The following FLNC variants were observed in gnomAD, a reference collection of about 807,000 sequenced individuals.
The protein encoded by FLNC is filamin C.
In FLNC, 91 loss-of-function variants were observed where a neutral mutation model predicts 254.3. The ratio of observed to expected loss-of-function variants is 0.36; its 90% CI spans 0.30 to 0.43. The LOEUF is 0.43. Ranked by LOEUF, FLNC falls within the 20% of genes least tolerant of loss-of-function variation. The pLI, the probability that FLNC is intolerant of heterozygous loss-of-function variation, is 1.00. For missense variants in FLNC, 2,853 were observed against 3,802.6 expected (o/e 0.75, Z 6.57); for synonymous variants, 1,430 against 1,577.2 (o/e 0.91, Z 2.21).
In FLNC at chr7:128,850,962, T is replaced by TG; in HGVS notation, c.5539+22dup. On this transcript the variant is annotated intron_variant, in intron 33 of 47. Coordinates refer to ENST00000325888, the MANE Select transcript of FLNC (RefSeq NM_001458.5). ...ATCCCTGGTGAGTTAGGGGCTGGGC[T>TG]GGGCTGGGGCTTGGGTGAGAGGAGC... 6.2e-7 allele frequency: 1 copy of TG among 1,603,676 alleles called. No individual in the cohort carries two copies. Among genetic ancestry groups the TG allele is most frequent in the South Asian group, 1.1e-5 (1 of 90,872 alleles).
rs1410019550 is a variant in FLNC, at chr7:128,849,166, C to G, written c.4928-15C>G. 2 of 1,613,096 alleles carry G rather than the reference C, an allele frequency of 1.2e-6. No homozygotes were observed. The highest frequency in any genetic ancestry group is 1.7e-6 in the Non-Finnish European group (2 of 1,179,884). On this transcript the variant is annotated splice_polypyrimidine_tract_variant and intron_variant, in intron 28 of 47. Coordinates refer to ENST00000325888, the MANE Select transcript of FLNC (RefSeq NM_001458.5). ...GTTGAGCACCGCCTGGCCTCACACT[C>G]TTCTCTCTTTCCAGTGTCCATTGGA...
In FLNC at chr7:128,844,128, C is replaced by A. The variant is rs769624093; in HGVS notation, c.3054C>A (p.Gly1018=). 1.9e-6 allele frequency: 3 copies of A among 1,613,928 alleles called. No homozygotes were observed. Among genetic ancestry groups the A allele is most frequent in the Admixed American group, 3.3e-5 (2 of 60,020 alleles). The change falls in exon 20 of 48, where the codon GGC becomes GGA. Residue 1018 remains glycine, a synonymous_variant. Coordinates refer to ENST00000325888, the MANE Select transcript of FLNC (RefSeq NM_001458.5). ...CCATCCCCTGCAAGCTGGAGCCAGG[C>A]GGTGGAGCGGAAGCCCAGGCTGTGC... ...RRPIPCKLEP[G]GGAEAQAVRY...
At chr7:128,850,099 GTCC>G (rs760737244) in intron 31 of FLNC, 25 bp downstream of exon 31, 121 of 1,475,722 alleles carry the variant, frequency 8.2e-5, no homozygotes, top group South Asian at 9.6e-5. Context: ...ACCAGGCGAT[GTCC>G]TCCTCCTCCT....
At chr7:128,847,628 C>T (rs1015751720) in intron 24 of FLNC, 69 bp from the exon 25 acceptor site, 38 of 1,591,924 alleles carry the variant, frequency 2.4e-5, no homozygotes, top group Middle Eastern at 2.0e-4. Flanking sequence ...CCTCCTCCTC[C>T]GAGGCTCCTC....
chr7:128,843,792 A>G lies in FLNC; in HGVS notation c.2812-4A>G. 1 of 1,613,420 alleles carries G rather than the reference A, an allele frequency of 6.2e-7. No homozygotes were observed. Among genetic ancestry groups the G allele is most frequent in the Non-Finnish European group, 8.5e-7 (1 of 1,179,408 alleles). On this transcript the variant is annotated splice_polypyrimidine_tract_variant and splice_region_variant and intron_variant, in intron 18 of 47. Coordinates refer to ENST00000325888, the MANE Select transcript of FLNC (RefSeq NM_001458.5). ...CAGTTCTGACCTACCATTGTACCCAACAGGGCAACATGGCAGTGACAGTGA... is the reference window on the plus strand; with the variant it reads ...CAGTTCTGACCTACCATTGTACCCAGCAGGGCAACATGGCAGTGACAGTGA...
At position 128,859,080 on chromosome 7, in the gene FLNC, C is replaced by T. The variant is rs1809193976; in HGVS notation, c.*557C>T. 6.3e-6 allele frequency: 1 copy of T among 157,520 alleles called. No individual in the cohort carries two copies. The highest frequency in any genetic ancestry group is 1.4e-5 in the Non-Finnish European group (1 of 70,896). The allele number at this position is 157,520 out of a possible 1,614,324, so 9.8% of individuals were successfully genotyped here. A position where few individuals can be genotyped will look rare whatever the true frequency, so the allele number is the denominator to read the frequency against. ...CGGCCTGAGCGATGTGCACTCCACCCAAGCCAGGCTCCCAGGGGGCCTGAT... is the reference window on the plus strand; with the variant it reads ...CGGCCTGAGCGATGTGCACTCCACCTAAGCCAGGCTCCCAGGGGGCCTGAT... On this transcript the variant is annotated 3_prime_UTR_variant, in exon 48 of 48. Coordinates refer to ENST00000325888, the MANE Select transcript of FLNC (RefSeq NM_001458.5).
At chr7:128,834,591 C>T (rs565439861) in intron 1 of FLNC, among the ~76,000 whole-genome samples, 90 of 150,634 alleles carry the variant, frequency 6.0e-4, no homozygotes, top group Non-Finnish European at 1.2e-3. Context: ...TTAAAATATT[C>T]ATTCAACCAA....
Position 128,847,174 on chromosome 7 carries a change from C to T in FLNC, c.4288+269C>T, listed in dbSNP as rs557893559. 2.9e-4 allele frequency among the ~76,000 whole-genome samples: 44 copies of T among 152,348 alleles called. 1 individual carries two copies. The South Asian group carries it at 7.7e-3, about 27-fold the overall frequency. On this transcript the variant is annotated intron_variant, in intron 24 of 47. Coordinates refer to ENST00000325888, the MANE Select transcript of FLNC (RefSeq NM_001458.5). Reference sequence around the variant, plus strand: ...GCTCAAGACCTTGGCTTTGCAGGTCCACCACTCACTGTGTGTCCAGAAACT... The same window carrying T: ...GCTCAAGACCTTGGCTTTGCAGGTCTACCACTCACTGTGTGTCCAGAAACT...
intron 16 of FLNC, 91 bp from the exon 17 acceptor site, chr7:128,843,138 G>C: frequency 7.1e-7 from 1 of 1,410,348 alleles, no homozygotes; most frequent in Non-Finnish European, 9.8e-7. Flanking sequence ...TGTCCATGCT[G>C]GGTCCCCTGG....
intron 43 of FLNC, among the ~76,000 whole-genome samples, 184 bp downstream of exon 43, chr7:128,855,498 C>A (rs541746750): frequency 6.6e-6 from 1 of 152,204 alleles, no homozygotes; most frequent in South Asian, 2.1e-4. Context: ...GGGGCTTGCC[C>A]GTGCACTCAG....
chr7:128,841,108 G>C lies in FLNC; in HGVS notation c.1814-62G>C, dbSNP rs1808313290. 1.3e-6 allele frequency: 2 copies of C among 1,594,740 alleles called. No homozygotes were observed. The highest frequency in any genetic ancestry group is 2.7e-5 in the African/African-American group (2 of 74,566). ...AGGACATGAGGGCAGCTAGAGGGGA[G>C]CTGGGGGACGGAAGGGTCTTGCCTG... On this transcript the variant is annotated intron_variant, in intron 11 of 47. Transcript: ENST00000325888. This position sits in a 1 kb window ranked among gnomAD's most constrained non-coding sequence, Gnocchi z 4.3.
rs547060988 is a variant in FLNC at position 128,843,825 on chromosome 7, C to T, written c.2841C>T (p.Gly947=). The change falls in exon 19 of 48, where the codon GGC becomes GGT. Residue 947 remains glycine, a synonymous_variant. Coordinates refer to ENST00000325888, the MANE Select transcript of FLNC (RefSeq NM_001458.5). ...ACATGGCAGTGACAGTGACTTATGG[C>T]GGGGACCCTGTCCCCAAGAGCCCCT... ...QGNMAVTVTY[G]GDPVPKSPFV... The T allele has an allele frequency of 2.5e-4, 406 of 1,613,774 alleles. 2 individuals are homozygous for T. In the South Asian group the frequency reaches 3.4e-3, roughly 13 times the overall value.
At position 128,858,238 on chromosome 7, in the gene FLNC, G is replaced by C. The variant is rs774136875; in HGVS notation, c.7990+21G>C. 1.5e-6 allele frequency: 2 copies of C among 1,316,532 alleles called. No individual in the cohort carries two copies. The highest frequency in any genetic ancestry group is 2.9e-5 in the African/African-American group (2 of 69,960). The allele number at this position is 1,316,532 out of a possible 1,614,324, so 81.6% of individuals were successfully genotyped here. ...AGCAGGCAGGTGGCGGGGGGAGGGC[G>C]TCTCCCGGGGTGTGAGCAAGAAGCC... On this transcript the variant is annotated intron_variant, in intron 47 of 47. Coordinates refer to ENST00000325888, the MANE Select transcript of FLNC (RefSeq NM_001458.5). This position sits in a 1 kb window ranked among gnomAD's most constrained non-coding sequence, Gnocchi z 6.7.
intron 7 of FLNC, 27 bp downstream of exon 7, chr7:128,838,456 T>G (rs1585153787): frequency 6.3e-7 from 1 of 1,582,488 alleles, no homozygotes; most frequent in African/African-American, 1.5e-5. Flanking sequence ...GGGGTGCAGG[T>G]GGAAAGCCCC....
rs1585168951 is a variant in FLNC, at chr7:128,853,853, A to G, written c.6484+16A>G. 6.2e-7 allele frequency: 1 copy of G among 1,613,236 alleles called. No individual in the cohort carries two copies. Among genetic ancestry groups the G allele is most frequent in the East Asian group, 2.2e-5 (1 of 44,846 alleles). On this transcript the variant is annotated intron_variant, in intron 39 of 47. Coordinates refer to ENST00000325888, the MANE Select transcript of FLNC (RefSeq NM_001458.5). The stretch of plus-strand genomic sequence containing the variant: ...AAGATCCCAGGTAGAAGCCTGGAGG[A>G]CCCTGGGTGGGGCGGGTGGTGGGAG...
intron 37 of FLNC, 47 bp downstream of exon 37, chr7:128,853,078 A>G (rs1808892758): frequency 6.4e-7 from 1 of 1,560,616 alleles, no homozygotes; most frequent in Admixed American, 1.7e-5. Flanking sequence ...TGCCTCCCAC[A>G]GGCACTTGTC....
chr7:128,830,582 C>CCCGATAG lies in FLNC; in HGVS notation c.-54_-53insGATAGCC. The CCCGATAG allele has an allele frequency of 6.7e-7, 1 of 1,500,956 alleles. No homozygotes were observed. The highest frequency in any genetic ancestry group is 1.1e-5 in the South Asian group (1 of 86,964). The allele number at this position is 1,500,956 out of a possible 1,614,324, so 93.0% of individuals were successfully genotyped here. ...TCGCGCCCCAACAGCGCCCGACAGC[C>CCCGATAG]CCCGATAGCCCAAACCGCGGCCCTA... On this transcript the variant is annotated 5_prime_UTR_variant, in exon 1 of 48. Transcript: ENST00000325888.
At position 128,842,348 on chromosome 7, in the gene FLNC, G is replaced by A. The variant is rs764876916; in HGVS notation, c.2239G>A (p.Val747Ile). 14 of 1,613,536 alleles carry A rather than the reference G, an allele frequency of 8.7e-6. No individual in the cohort carries two copies. The African/African-American group carries it at 9.3e-5, about 11-fold the overall frequency. The change falls in exon 14 of 48, where the codon GTA (valine) becomes ATA (isoleucine). Residue 747 changes from valine to isoleucine, a missense_variant. Coordinates refer to ENST00000325888, the MANE Select transcript of FLNC (RefSeq NM_001458.5). This position sits in a 1 kb window ranked among gnomAD's most constrained non-coding sequence, Gnocchi z 5.4. ...CACCATCATCATCTCCTGGGGAGGC[G>A]TAAACGTGCCCAAGAGCCCCTTCCG... is the stretch of plus-strand genomic sequence containing the variant. ...KHTIIISWGG[V>I]NVPKSPFRVN...
Position 128,830,902 on chromosome 7 carries a change from C to T in FLNC, c.265C>T (p.Arg89Cys). ...GCGCATGTACCGCAAGTTCCATCCGCGCCCCAACTTCCGCCAAATGAAGCT... is the reference window on the plus strand; with the variant it reads ...GCGCATGTACCGCAAGTTCCATCCGTGCCCCAACTTCCGCCAAATGAAGCT... Reference protein sequence around the residue: ...QKRMYRKFHPRPNFRQMKLEN... With the variant: ...QKRMYRKFHPCPNFRQMKLEN... The change falls in exon 1 of 48, where the codon CGC becomes TGC. Residue 89 changes from arginine to cysteine, a missense_variant. Around this residue, in one of 10 missense-constraint regions of FLNC, gnomAD observed 59 missense variants for 59.8 expected, o/e 0.99. Transcript: ENST00000325888. 6.2e-7 allele frequency: 1 copy of T among 1,613,140 alleles called. No homozygotes were observed.
Sources: allele counts gnomAD v4.1 joint callset (sites outside exome capture counted in the v4.1 genomes callset), GRCh38; gene constraint gnomAD v4.1.1; regional missense constraint gnomAD v4.1.1; non-coding constraint Gnocchi (gnomAD v3.1); transcripts MANE v1.5; gene names NCBI Gene and HGNC (gene_info 2026-07-23, HGNC 2026-07-21).